Variants in BCOR observed in about 807,000 individuals in gnomAD.
BCOR encodes the protein BCL6 corepressor.
In BCOR, 10 loss-of-function variants were observed where a neutral mutation model predicts 86.7. The ratio of observed to expected loss-of-function variants is 0.12; its 90% CI spans 0.07 to 0.20. The LOEUF is 0.20. BCOR is among the 10% of genes least tolerant of loss of function. The probability of loss-of-function intolerance (pLI) is 1.00; values close to 1 mark genes in which losing one functional copy is unlikely to be tolerated. For missense variants in BCOR, 1,259 were observed against 1,452.1 expected (o/e 0.87, Z 2.16); for synonymous variants, 611 against 609.0 (o/e 1.00, Z -0.05).
chrX:40,082,082 G>A (rs982560295), intron 1 of BCOR, among the ~76,000 whole-genome samples: 2 of 112,453 alleles, frequency 1.8e-5, no homozygotes, highest in Non-Finnish European at 3.8e-5. Flanking sequence ...CGGGGGAGAA[G>A]GCCTGATTGG....
chrX:40,065,271 G>A lies in BCOR; in HGVS notation c.3239-672C>T, dbSNP rs905847062. ...GGAAGAGGGGCGTGGCAAAGCCAAAGGCAAGGTTTCCTAACACATACACGA... is the reference window on the plus strand; with the variant it reads ...GGAAGAGGGGCGTGGCAAAGCCAAAAGCAAGGTTTCCTAACACATACACGA... On this transcript the variant is annotated intron_variant, in intron 6 of 14. Transcript: ENST00000378444. Among the ~76,000 whole-genome samples the A allele has an allele frequency of 2.7e-5, 3 of 112,394 alleles. No individual in the cohort carries two copies. In the Admixed American group the frequency reaches 2.8e-4, roughly 10 times the overall value.
chrX:40,127,909 T>TAAATAAA (rs397716132), intron 1 of BCOR, among the ~76,000 whole-genome samples: 9 of 96,601 alleles, frequency 9.3e-5, no homozygotes, highest in African/African-American at 2.2e-4. Flanking sequence ...AATAAATAAA[T>TAAATAAA]TTAAAAAAAA....
chrX:40,065,459 G>A lies in BCOR; in HGVS notation c.3239-860C>T, dbSNP rs541612991. Reference sequence around the variant, plus strand: ...ACACCCTCTGTCACAGGCAAGCATCGACAGACATCTCCTCATTGTTGGTGT... The same window carrying A: ...ACACCCTCTGTCACAGGCAAGCATCAACAGACATCTCCTCATTGTTGGTGT... On this transcript the variant is annotated intron_variant, in intron 6 of 14. Transcript: ENST00000378444. Among the ~76,000 whole-genome samples the A allele has an allele frequency of 8.0e-5, 9 of 112,314 alleles. No homozygotes were observed. The South Asian group carries it at 2.6e-3, about 32-fold the overall frequency.
intron 1 of BCOR, among the ~76,000 whole-genome samples, chrX:40,141,944 C>T (rs941368242): frequency 5.4e-5 from 6 of 111,276 alleles, no homozygotes; most frequent in Non-Finnish European, 1.1e-4. Context: ...CTGCTATCTT[C>T]AAGAGTGGAA....
intron 1 of BCOR, among the ~76,000 whole-genome samples, chrX:40,147,005 G>T (rs1345469468): frequency 1.8e-5 from 2 of 111,799 alleles, no homozygotes; most frequent in African/African-American, 6.5e-5. Flanking sequence ...GGCGGGCTCG[G>T]AACGTTTCCT....
intron 1 of BCOR, among the ~76,000 whole-genome samples, chrX:40,143,842 A>T (rs1345666977): frequency 8.9e-6 from 1 of 112,173 alleles, no homozygotes; most frequent in East Asian, 2.8e-4. Flanking sequence ...TGGTAATCCC[A>T]GCTACTCGGG....
At chrX:40,065,506 C>T (rs963667146) in intron 6 of BCOR, among the ~76,000 whole-genome samples, 14 of 112,148 alleles carry the variant, frequency 1.2e-4, no homozygotes, top group African/African-American at 3.9e-4. Flanking sequence ...GCCAGGCCAG[C>T]GCTTGCAAAA....
At chrX:40,109,642 C>T (rs1252255892) in intron 1 of BCOR, among the ~76,000 whole-genome samples, 1 of 111,527 alleles carries the variant, frequency 9.0e-6, no homozygotes, top group South Asian at 3.6e-4. Flanking sequence ...GCCCCGGAGC[C>T]CCCGCGCCTC....
chrX:40,152,168 G>A (rs1938180728), intron 1 of BCOR, among the ~76,000 whole-genome samples: 1 of 111,277 alleles, frequency 9.0e-6, no homozygotes, highest in Non-Finnish European at 1.9e-5. Context: ...TAGAGTATTT[G>A]TCTTTCGCTC....
chrX:40,103,716 C>T (rs1340289656), intron 1 of BCOR, among the ~76,000 whole-genome samples: 1 of 111,107 alleles, frequency 9.0e-6, no homozygotes, highest in Non-Finnish European at 1.9e-5. Context: ...AGACCTCCTT[C>T]CTCCCGGTTT....
At chrX:40,170,206 G>A (rs1423129936) in intron 1 of BCOR, among the ~76,000 whole-genome samples, 1 of 112,106 alleles carries the variant, frequency 8.9e-6, no homozygotes, top group Non-Finnish European at 1.9e-5. Context: ...CTTGCACCTA[G>A]CAGACCAAGC....
intron 1 of BCOR, among the ~76,000 whole-genome samples, chrX:40,088,159 C>T (rs1439973056): frequency 1.8e-5 from 2 of 112,026 alleles, no homozygotes; most frequent in Non-Finnish European, 3.8e-5. Flanking sequence ...ACAATCAGTC[C>T]TCGAGCTCCC....
rs745604370 is a variant in BCOR, at chrX:40,143,220, C to CTG, written c.-41+33785_-41+33786dup. Among the ~76,000 whole-genome samples the CTG allele has an allele frequency of 5.5e-3, 604 of 109,669 alleles. 1 individual carries two copies. The highest frequency in any genetic ancestry group is 8.4e-3 in the African/African-American group (256 of 30,298). Reference sequence around the variant, plus strand: ...GGATGGCAGCAGGAATGCTGTGTGTCTGTGTGTGTGTGTGTGTGTCTGTGT... The same window carrying CTG: ...GGATGGCAGCAGGAATGCTGTGTGTCTGTGTGTGTGTGTGTGTGTGTCTGTGT... On this transcript the variant is annotated intron_variant, in intron 1 of 14. Coordinates refer to the BCOR transcript ENST00000342274.
chrX:40,139,378 A>G (rs1937762158), intron 1 of BCOR, among the ~76,000 whole-genome samples: 1 of 39,808 alleles, frequency 2.5e-5, no homozygotes, highest in Non-Finnish European at 4.7e-5. Flanking sequence ...ATATATATAT[A>G]TATATAATAT....
intron 1 of BCOR, among the ~76,000 whole-genome samples, chrX:40,143,367 T>C (rs1937966807): frequency 8.9e-6 from 1 of 112,817 alleles, no homozygotes; most frequent in Non-Finnish European, 1.9e-5. Context: ...ATTCATTTAT[T>C]TGTTTTAATA....
chrX:40,168,437 C>T (rs1938549697), intron 1 of BCOR, among the ~76,000 whole-genome samples: 1 of 112,994 alleles, frequency 8.9e-6, no homozygotes. Context: ...ACACCCCCCT[C>T]CTAGCCTAAG....
At chrX:40,138,453 C>T (rs1390931561) in intron 1 of BCOR, among the ~76,000 whole-genome samples, 1 of 112,278 alleles carries the variant, frequency 8.9e-6, no homozygotes, top group Non-Finnish European at 1.9e-5. Context: ...AAATGACTTA[C>T]ATGCAATCAC....
In BCOR at chrX:40,075,217, T is replaced by TCC. The variant is rs749463669; in HGVS notation, c.166-39_166-38dup. ...AACAACATGGGTGTTACTGGGATAC[T>TCC]CCTTCAAGGCAGCAGCACCCAAAGA... is the stretch of plus-strand genomic sequence containing the variant. On this transcript the variant is annotated intron_variant, in intron 3 of 14. Transcript: ENST00000378444. 4.0e-4 allele frequency: 455 copies of TCC among 1,143,791 alleles called. 3 individuals are homozygous for TCC. In the African/African-American group the frequency reaches 7.6e-3, roughly 19 times the overall value. 94.3% of individuals were successfully genotyped at this position (1,143,791 alleles called of 1,213,427 possible).
At chrX:40,160,515 CA>C (rs774697720) in intron 1 of BCOR, among the ~76,000 whole-genome samples, 844 of 60,401 alleles carry the variant, frequency 0.014, 3 homozygotes, top group Middle Eastern at 0.043. Flanking sequence ...GACCCTGTCT[CA>C]AAAAAAAAAA....
Sources: gnomAD v4.1 joint callset for allele counts (sites outside exome capture counted in the v4.1 genomes callset) on GRCh38, gnomAD v4.1.1 for gene constraint, MANE v1.5 for transcripts, NCBI Gene and HGNC (gene_info 2026-07-23, HGNC 2026-07-21) for gene names.